MAPK6: variants seen among roughly 807,000 people sequenced by gnomAD.
The protein encoded by MAPK6 is mitogen-activated protein kinase 6, also known as ERK-3.
MAPK6 carries 19 observed loss-of-function variants against 59.3 expected under a neutral mutation model. That is an observed-to-expected ratio of 0.32 (90% CI 0.22 to 0.47). The LOEUF is 0.47. MAPK6 is among the 20% of genes least tolerant of loss of function. The probability of loss-of-function intolerance (pLI) is 1.00; values close to 1 mark genes in which losing one functional copy is unlikely to be tolerated. For synonymous variants in MAPK6, 316 were observed against 290.3 expected, an observed-to-expected ratio of 1.09 and a Z score of -0.90; for missense variants, 724 against 847.9, an observed-to-expected ratio of 0.85 and a Z score of 1.81.
chr15:51,977,321 G>A (rs1290204886), intron 1 of MAPK6, among the ~76,000 whole-genome samples: 1 of 151,476 alleles, frequency 6.6e-6, no homozygotes, highest in Non-Finnish European at 1.5e-5. Context: ...TTAGAATTCT[G>A]TACTCACCAA....
intron 1 of MAPK6, among the ~76,000 whole-genome samples, chr15:52,034,898 A>G (rs1212068463): frequency 1.3e-5 from 2 of 151,880 alleles, no homozygotes; most frequent in African/African-American, 2.4e-5. Context: ...CGGTTTCACC[A>G]TGTTGGTCAG....
intron 1 of MAPK6, among the ~76,000 whole-genome samples, chr15:52,030,139 T>G (rs2030970478): frequency 6.6e-6 from 1 of 152,228 alleles, no homozygotes; most frequent in Non-Finnish European, 1.5e-5. Context: ...TGTTGTTTCC[T>G]CTGTTAGGAA....
At chr15:51,986,134 A>G (rs2057190549) in intron 2 of MAPK6, among the ~76,000 whole-genome samples, 1 of 152,168 alleles carries the variant, frequency 6.6e-6, no homozygotes, top group African/African-American at 2.4e-5. Context: ...GAAACTTACA[A>G]TCATGATGGA....
At chr15:52,022,032 T>G (rs1566901941) in intron 1 of MAPK6, among the ~76,000 whole-genome samples, 1 of 152,078 alleles carries the variant, frequency 6.6e-6, no homozygotes, top group Non-Finnish European at 1.5e-5. Flanking sequence ...GAATGGCAGT[T>G]TAAGAGTGGG....
chr15:52,056,368 T>A (rs2031983495), intron 3 of MAPK6, among the ~76,000 whole-genome samples: 1 of 152,080 alleles, frequency 6.6e-6, no homozygotes, highest in Non-Finnish European at 1.5e-5. Flanking sequence ...CAAAATAATC[T>A]GTCCTGACCC....
chr15:52,065,149 C>G lies in MAPK6; in HGVS notation c.*149C>G, dbSNP rs1281085979. 9 of 691,308 alleles carry G rather than the reference C, an allele frequency of 1.3e-5. No homozygotes were observed. The highest frequency in any genetic ancestry group is 1.1e-4 in the African/African-American group (6 of 54,188). The allele number at this position is 691,308 out of a possible 1,614,324, so 42.8% of individuals were successfully genotyped here. On this transcript the variant is annotated 3_prime_UTR_variant, in exon 6 of 6. Transcript: ENST00000261845. Reference sequence around the variant, plus strand: ...TCTTGTTTTTTAAAATCCAGACTTTCTTTTTCTACATGTGAGATAGTTTTC... The same window carrying G: ...TCTTGTTTTTTAAAATCCAGACTTTGTTTTTCTACATGTGAGATAGTTTTC...
intron 2 of MAPK6, among the ~76,000 whole-genome samples, chr15:52,048,523 A>T (rs2031667914): frequency 6.6e-6 from 1 of 152,160 alleles, no homozygotes; most frequent in Non-Finnish European, 1.5e-5. Flanking sequence ...AGGCTGAAGC[A>T]GGAGAATCCA....
At chr15:52,060,262 G>GAA (rs1566914216) in intron 4 of MAPK6, among the ~76,000 whole-genome samples, 1 of 152,134 alleles carries the variant, frequency 6.6e-6, no homozygotes. Context: ...CTAAAGAAAA[G>GAA]AAAAGGGTTC....
intron 1 of MAPK6, among the ~76,000 whole-genome samples, chr15:52,032,941 T>C (rs990929911): frequency 6.6e-6 from 1 of 152,082 alleles, no homozygotes; most frequent in Non-Finnish European, 1.5e-5. Context: ...CGCTTCAGCC[T>C]CCCAAAGTGC....
chr15:52,042,023 T>C (rs546673984), intron 1 of MAPK6, among the ~76,000 whole-genome samples: 4 of 152,220 alleles, frequency 2.6e-5, no homozygotes, highest in South Asian at 4.1e-4. Flanking sequence ...CAAATACTTA[T>C]CAAATACCAA....
rs1244382298 is a variant in MAPK6, at chr15:52,037,049, C to A, written c.-631-8781C>A. Among the ~76,000 whole-genome samples the A allele has an allele frequency of 2.0e-5, 3 of 152,072 alleles. No homozygotes were observed. In the South Asian group the frequency reaches 6.2e-4, roughly 32 times the overall value. Reference sequence around the variant, plus strand: ...ATGCGGGGCTGATCTGTAATTCCAGCACTTTGGAAGACTTAGGTGGGAGGA... The same window carrying A: ...ATGCGGGGCTGATCTGTAATTCCAGAACTTTGGAAGACTTAGGTGGGAGGA... On this transcript the variant is annotated intron_variant, in intron 1 of 5. Coordinates refer to ENST00000261845, the MANE Select transcript of MAPK6 (RefSeq NM_002748.4).
chr15:51,997,621 G>A (rs1377766205), intron 2 of MAPK6, among the ~76,000 whole-genome samples: 6 of 124,518 alleles, frequency 4.8e-5, no homozygotes, highest in Admixed American at 9.1e-5. Flanking sequence ...ATGGAGTTTC[G>A]CTCTTGTTGC....
upstream of MAPK6, chr15:52,017,489 T>C (rs2030307210): frequency 6.6e-6 from 1 of 152,310 alleles, no homozygotes; most frequent in Admixed American, 6.5e-5. Flanking sequence ...GTTAAGGCTA[T>C]TTTCATTTTT....
At chr15:52,020,843 TTTA>T (rs1350427923) in intron 1 of MAPK6, among the ~76,000 whole-genome samples, 3 of 152,240 alleles carry the variant, frequency 2.0e-5, no homozygotes, top group Non-Finnish European at 4.4e-5. Context: ...TGTTACATCA[TTTA>T]TTAAGAATTG....
At chr15:52,035,878 A>G (rs1206303374) in intron 1 of MAPK6, among the ~76,000 whole-genome samples, 3 of 151,740 alleles carry the variant, frequency 2.0e-5, no homozygotes, top group Non-Finnish European at 2.9e-5. Context: ...TAGCTTATTT[A>G]TTATTTAGAT....
intron 1 of MAPK6, among the ~76,000 whole-genome samples, chr15:52,043,438 C>T (rs1318806307): frequency 6.6e-6 from 1 of 151,858 alleles, no homozygotes; most frequent in Non-Finnish European, 1.5e-5. Flanking sequence ...GCTGGGATTA[C>T]AGGCACCTAT....
upstream of MAPK6, among the ~76,000 whole-genome samples, chr15:52,016,090 ACACACACACACACACAC>A (rs1412984602): frequency 4.3e-4 from 60 of 139,370 alleles, 1 homozygote; most frequent in Middle Eastern, 4.0e-3. Flanking sequence ...ACACACACAC[ACACACACACACACACAC>A]AAACTAAAAC....
At chr15:52,003,199 C>A (rs1300236513) in intron 2 of MAPK6, among the ~76,000 whole-genome samples, 4 of 151,654 alleles carry the variant, frequency 2.6e-5, no homozygotes, top group African/African-American at 9.7e-5. Flanking sequence ...AAAAAAAAAC[C>A]AAAAAACAAA....
intron 3 of MAPK6, 45 bp from the exon 4 acceptor site, chr15:52,058,584 ATAAG>A: frequency 6.9e-7 from 1 of 1,455,038 alleles, no homozygotes; most frequent in African/African-American, 1.4e-5. Flanking sequence ...TTATTGTGAA[ATAAG>A]TAAACATTGA....
Sources: allele counts gnomAD v4.1 joint callset (sites outside exome capture counted in the v4.1 genomes callset), GRCh38; gene constraint gnomAD v4.1.1; transcripts MANE v1.5; gene names NCBI Gene and HGNC (gene_info 2026-07-23, HGNC 2026-07-21).